The following WDR93 variants were observed in gnomAD, a reference collection of about 807,000 sequenced individuals.
WDR93 encodes the protein WD repeat-containing protein 93.
WDR93 carries 73 observed loss-of-function variants against 82.9 expected under a neutral mutation model. That is an observed-to-expected ratio of 0.88 (90% CI 0.73 to 1.07). The LOEUF is 1.07. WDR93 is among the 50% of genes least tolerant of loss of function. The pLI is 0.00. For synonymous variants in WDR93, 283 were observed against 300.1 expected, an observed-to-expected ratio of 0.94 and a Z score of 0.59; for missense variants, 738 against 826.0, an observed-to-expected ratio of 0.89 and a Z score of 1.31.
intron 7 of WDR93, among the ~76,000 whole-genome samples, chr15:89,717,824 G>A (rs993755703): frequency 6.6e-6 from 1 of 152,130 alleles, no homozygotes; most frequent in African/African-American, 2.4e-5. Context: ...CAAAATAACA[G>A]CCCAATTCAC....
rs1967366829 is a variant in WDR93 at position 89,738,215 on chromosome 15, G to A, written c.1940G>A (p.Cys647Tyr). ...CAAGCACTGCCACTGGAGAAGAGAT[G>A]TGAGCGTTTCCTCCAGAAGAGGTAA... ...FPQALPLEKRCERFLQKSYRK... is the reference protein window; with the variant it reads ...FPQALPLEKRYERFLQKSYRK... The change falls in exon 16 of 17, where the codon TGT (cysteine) becomes TAT (tyrosine). Residue 647 changes from cysteine (C) to tyrosine (Y), a missense_variant. By Grantham distance (194) the Cys-to-Tyr change is radical (BLOSUM62 -2). Coordinates refer to ENST00000268130, the MANE Select transcript of WDR93 (RefSeq NM_020212.2). 39 of 1,611,868 alleles carry A rather than the reference G, an allele frequency of 2.4e-5. No individual in the cohort carries two copies. The highest frequency in any genetic ancestry group is 3.2e-5 in the Non-Finnish European group (38 of 1,179,156).
At position 89,727,291 on chromosome 15, in the gene WDR93, A is replaced by C; in HGVS notation, c.1015A>C (p.Lys339Gln). 1 of 1,614,080 alleles carries C rather than the reference A, an allele frequency of 6.2e-7. No individual in the cohort carries two copies. The highest frequency in any genetic ancestry group is 8.5e-7 in the Non-Finnish European group (1 of 1,179,996). ...TGAGATCTTCAACGCTTCCTACAAG[A>C]AGTACCTAGATAGGGAGTGGGAGGA... is the stretch of plus-strand genomic sequence containing the variant. ...QAEIFNASYK[K>Q]YLDREWEEEP... Residue 339 changes from lysine to glutamine, a missense_variant, in exon 9 of 17, where the codon AAG (lysine) becomes CAG (glutamine). Lys to Gln is a moderately conservative substitution (Grantham distance 53). Coordinates refer to ENST00000268130, the MANE Select transcript of WDR93 (RefSeq NM_020212.2).
chr15:89,710,325 C>T (rs1290939416), intron 4 of WDR93, among the ~76,000 whole-genome samples: 1 of 152,100 alleles, frequency 6.6e-6, no homozygotes, highest in Non-Finnish European at 1.5e-5. Context: ...TGACAGAAGC[C>T]AGACACAAAA....
chr15:89,715,456 T>C (rs2141640548), intron 6 of WDR93, among the ~76,000 whole-genome samples: 1 of 152,328 alleles, frequency 6.6e-6, no homozygotes, highest in East Asian at 1.9e-4. Flanking sequence ...ATTAAATTTT[T>C]CCAGACTATG....
chr15:89,709,842 T>C (rs142287399), intron 4 of WDR93, among the ~76,000 whole-genome samples: 274 of 148,944 alleles, frequency 1.8e-3, no homozygotes, highest in Middle Eastern at 6.8e-3. Context: ...AAGATGTTCA[T>C]AGCAGCTGTA....
At position 89,743,617 on chromosome 15, in the gene WDR93, A is replaced by C; in HGVS notation, c.*226A>C. The C allele has an allele frequency of 1.8e-6, 1 of 567,524 alleles. No homozygotes were observed. The highest frequency in any genetic ancestry group is 3.0e-5 in the East Asian group (1 of 33,496). 35.2% of individuals were successfully genotyped at this position (567,524 alleles called of 1,614,324 possible). On this transcript the variant is annotated 3_prime_UTR_variant, in exon 17 of 17. Transcript: ENST00000268130. ...AGGCAGGCAGATGTGTCACCCAAATAAACAGTGATATTGTCTCCAGACTCC... is the reference window on the plus strand; with the variant it reads ...AGGCAGGCAGATGTGTCACCCAAATCAACAGTGATATTGTCTCCAGACTCC...
rs576862145 is a variant in WDR93 at position 89,732,526 on chromosome 15, A to C, written c.1331-480A>C. Reference sequence around the variant, plus strand: ...TATTATAGAAGCAAAAGATATTTCAAGGAAAGAAGAATGATGATGATTTCA... The same window carrying C: ...TATTATAGAAGCAAAAGATATTTCACGGAAAGAAGAATGATGATGATTTCA... On this transcript the variant is annotated intron_variant, in intron 12 of 16. Coordinates refer to ENST00000268130, the MANE Select transcript of WDR93 (RefSeq NM_020212.2). Among the ~76,000 whole-genome samples the C allele has an allele frequency of 2.0e-5, 3 of 152,312 alleles. No homozygotes were observed. The South Asian group carries it at 6.2e-4, about 32-fold the overall frequency.
intron 12 of WDR93, among the ~76,000 whole-genome samples, chr15:89,731,981 T>G (rs951134683): frequency 6.6e-6 from 1 of 152,132 alleles, no homozygotes; most frequent in African/African-American, 2.4e-5. Context: ...CAGCGCAAAC[T>G]CTATTGTATT....
rs139026712 is a variant in WDR93 at position 89,738,066 on chromosome 15, C to G, written c.1791C>G (p.Ser597=). The change falls in exon 16 of 17, where the codon TCC becomes TCG. Residue 597 remains serine, a synonymous_variant. Transcript: ENST00000268130. ...LRGDYSHETA[S]TDDAGIQYSV... ...GAGACTATTCACATGAAACTGCGTC[C>G]ACCGACGATGCTGGAATCCAATATT... 1,229 of 1,612,724 alleles carry G rather than the reference C, an allele frequency of 7.6e-4. 4 individuals are homozygous for G. The highest frequency in any genetic ancestry group is 2.1e-3 in the Middle Eastern group (13 of 6,052).
intron 1 of WDR93, among the ~76,000 whole-genome samples, chr15:89,694,593 C>G (rs1202803659): frequency 6.6e-6 from 1 of 152,166 alleles, no homozygotes; most frequent in Non-Finnish European, 1.5e-5. Context: ...GACAAAAGTA[C>G]TTTATCAGAT....
chr15:89,694,037 G>A (rs1965028826), intron 1 of WDR93, among the ~76,000 whole-genome samples: 1 of 152,034 alleles, frequency 6.6e-6, no homozygotes, highest in Admixed American at 6.6e-5. Flanking sequence ...CATTCTTATT[G>A]TACATCTTCA....
chr15:89,691,770 C>A (rs1359044203), intron 1 of WDR93, among the ~76,000 whole-genome samples: 2 of 152,090 alleles, frequency 1.3e-5, no homozygotes, highest in East Asian at 3.9e-4. Context: ...AATCTTTATT[C>A]CCTTGGTCAG....
intron 8 of WDR93, among the ~76,000 whole-genome samples, chr15:89,725,492 G>A (rs1966697444): frequency 6.6e-6 from 1 of 151,770 alleles, no homozygotes; most frequent in African/African-American, 2.4e-5. Flanking sequence ...CCAGAGAATT[G>A]TGATTAGAAA....
At chr15:89,705,367 C>A (rs115029529) in intron 3 of WDR93, 187 bp from the exon 4 acceptor site, 13 of 598,538 alleles carry the variant, frequency 2.2e-5, no homozygotes, top group Non-Finnish European at 2.4e-5. Flanking sequence ...GAAAACAACC[C>A]GAACATTCAA....
chr15:89,741,774 A>G (rs1967691146), intron 16 of WDR93, among the ~76,000 whole-genome samples: 1 of 150,598 alleles, frequency 6.6e-6, no homozygotes, highest in Non-Finnish European at 1.5e-5. Context: ...TTTTTTTGAG[A>G]TGGAGTCTCG....
chr15:89,724,277 A>G (rs11632385), intron 8 of WDR93, among the ~76,000 whole-genome samples: 64,973 of 151,838 alleles, frequency 0.43, 14,452 homozygotes, highest in African/African-American at 0.49. Context: ...GGGAGGCAGA[A>G]GTTGCAGTGA....
chr15:89,726,863 C>T (rs750125462), intron 8 of WDR93, among the ~76,000 whole-genome samples: 13 of 152,094 alleles, frequency 8.5e-5, no homozygotes, highest in East Asian at 3.9e-4. Flanking sequence ...CCTGCCCCAC[C>T]GCCCCCCACA....
intron 1 of WDR93, among the ~76,000 whole-genome samples, chr15:89,696,227 G>T (rs1261798405): frequency 2.0e-5 from 3 of 152,156 alleles, no homozygotes; most frequent in Non-Finnish European, 4.4e-5. Flanking sequence ...AATGGAATTG[G>T]ACTGCATATA....
chr15:89,743,211 G>A, intron 16 of WDR93, 81 bp from the exon 17 acceptor site: 7 of 1,359,388 alleles, frequency 5.1e-6, no homozygotes, highest in Non-Finnish European at 7.4e-6. Flanking sequence ...AGGAGCACAG[G>A]GTAGTCGAGG....
Sources: allele counts gnomAD v4.1 joint callset (sites outside exome capture counted in the v4.1 genomes callset), GRCh38; gene constraint gnomAD v4.1.1; transcripts MANE v1.5; gene names NCBI Gene and HGNC (gene_info 2026-07-23, HGNC 2026-07-21).